The following MEGF11 variants were observed in gnomAD, a reference collection of about 807,000 sequenced individuals.
The protein encoded by MEGF11 is multiple EGF like domains 11.
MEGF11 carries 126 observed loss-of-function variants against 146.6 expected under a neutral mutation model. The observed-to-expected ratio is 0.86, with a 90% CI of 0.74 to 1.00. The LOEUF (loss-of-function observed/expected upper bound fraction) is 1.00, where lower values mean the gene tolerates loss of function less well. Ranked by LOEUF, MEGF11 falls within the 50% of genes least tolerant of loss-of-function variation. The pLI is 0.00. For missense variants in MEGF11, 1,509 were observed against 1,521.2 expected, an observed-to-expected ratio of 0.99 and a Z score of 0.13; for synonymous variants, 532 against 583.4, an observed-to-expected ratio of 0.91 and a Z score of 1.27.
At chr15:66,117,682 C>T (rs979604863) in intron 4 of MEGF11, among the ~76,000 whole-genome samples, 11 of 152,108 alleles carry the variant, frequency 7.2e-5, no homozygotes, top group African/African-American at 1.4e-4. Context: ...GGTCTCATTT[C>T]GCACTACTCC....
At chr15:66,081,728 C>T (rs946078209) in intron 5 of MEGF11, among the ~76,000 whole-genome samples, 1 of 152,192 alleles carries the variant, frequency 6.6e-6, no homozygotes, top group Non-Finnish European at 1.5e-5. Flanking sequence ...AGGAAAGGAC[C>T]AGGGTCCCCC....
chr15:65,906,131 T>C lies in MEGF11; in HGVS notation c.3009A>G (p.Gly1003=), dbSNP rs762928812. The change falls in exon 24 of 26, where the codon GGA becomes GGG. Residue 1003 remains glycine (G), a synonymous_variant. Transcript: ENST00000395614. The stretch of plus-strand genomic sequence containing the variant: ...TGTATGTGTTCTGACGTCTATCCAT[T>C]CCACAAGCACCTGTGTAAAAATAAC... ...PAEPHSPGAC[G]MDRRQNTYIM... 2 of 1,610,136 alleles carry C rather than the reference T, an allele frequency of 1.2e-6. No individual in the cohort carries two copies. Among genetic ancestry groups the C allele is most frequent in the Non-Finnish European group, 1.7e-6 (2 of 1,178,052 alleles).
intron 1 of MEGF11, among the ~76,000 whole-genome samples, chr15:66,133,257 C>T (rs546756688): frequency 6.6e-6 from 1 of 152,318 alleles, no homozygotes; most frequent in South Asian, 2.1e-4. Context: ...TGTCTGCTCC[C>T]CACACCAGCA....
intron 1 of MEGF11, among the ~76,000 whole-genome samples, chr15:66,199,425 A>G (rs571356931): frequency 5.7e-4 from 87 of 152,030 alleles, no homozygotes; most frequent in Non-Finnish European, 9.7e-4. Context: ...TTTGCTGTCA[A>G]TCTCTGGCTT....
intron 1 of MEGF11, among the ~76,000 whole-genome samples, chr15:66,183,532 T>A (rs1385886555): frequency 8.8e-6 from 1 of 113,290 alleles, no homozygotes; most frequent in African/African-American, 3.4e-5. Context: ...CACACCCCCC[T>A]GCCAAAAAGA....
intron 10 of MEGF11, among the ~76,000 whole-genome samples, chr15:65,947,821 C>A (rs1190505957): frequency 6.6e-6 from 1 of 152,188 alleles, no homozygotes; most frequent in Non-Finnish European, 1.5e-5. Flanking sequence ...TCTTTTGCTG[C>A]ACAGAGATTG....
At position 65,906,875 on chromosome 15, in the gene MEGF11, G is replaced by A. The variant is rs952829208; in HGVS notation, c.2999-734C>T. ...CCCCAAGGATTTCTTTCTACCTTTC[G>A]GCTGTCAGTTTTTTCCTAGGCTCCA... On this transcript the variant is annotated intron_variant, in intron 23 of 25. Transcript: ENST00000395614. Among the ~76,000 whole-genome samples the A allele has an allele frequency of 2.0e-5, 3 of 152,088 alleles. No individual in the cohort carries two copies. The East Asian group carries it at 5.8e-4, about 29-fold the overall frequency.
At chr15:66,221,345 C>T (rs1440454438) in intron 1 of MEGF11, among the ~76,000 whole-genome samples, 2 of 152,150 alleles carry the variant, frequency 1.3e-5, no homozygotes, top group African/African-American at 2.4e-5. Context: ...CCGGCCCCAG[C>T]TCAGTCCTGC....
chr15:65,922,452 C>G lies in MEGF11; in HGVS notation c.1843G>C (p.Gly615Arg). The G allele has an allele frequency of 3.8e-6, 6 of 1,579,040 alleles. No homozygotes were observed. The highest frequency in any genetic ancestry group is 4.3e-6 in the Non-Finnish European group (5 of 1,162,838). Residue 615 changes from glycine (G) to arginine (R), a missense_variant, in exon 15 of 26, where the codon GGC (glycine) becomes CGC (arginine). Coordinates refer to ENST00000395614, the MANE Select transcript of MEGF11 (RefSeq NM_001385028.1). ...GGGCATGGCTGGGCGCAGCCGTGGC[C>G]ATAGAACCCAGGGGGGCAGACTGAG... ...CQRICPPGFY[G>R]HGCAQPCPLC...
intron 5 of MEGF11, among the ~76,000 whole-genome samples, chr15:66,073,806 C>T (rs1414247226): frequency 6.6e-6 from 1 of 152,218 alleles, no homozygotes; most frequent in East Asian, 1.9e-4. Context: ...CTGGTATTGT[C>T]AGACCCATAG....
chr15:66,154,214 A>G (rs2089669716), intron 1 of MEGF11, among the ~76,000 whole-genome samples: 1 of 152,226 alleles, frequency 6.6e-6, no homozygotes, highest in Non-Finnish European at 1.5e-5. Context: ...CGAAACAACA[A>G]CATCATAACT....
At chr15:66,000,622 T>G (rs1002008452) in intron 5 of MEGF11, among the ~76,000 whole-genome samples, 3 of 152,202 alleles carry the variant, frequency 2.0e-5, no homozygotes, top group Non-Finnish European at 4.4e-5. Context: ...ACATGCTGTC[T>G]GATGTGTATC....
At chr15:65,958,798 T>G (rs971110190) in intron 9 of MEGF11, among the ~76,000 whole-genome samples, 1 of 152,196 alleles carries the variant, frequency 6.6e-6, no homozygotes, top group African/African-American at 2.4e-5. Context: ...CTAGTAAACC[T>G]CTTGCTCTTG....
At chr15:66,008,887 G>A (rs931714690) in intron 5 of MEGF11, among the ~76,000 whole-genome samples, 2 of 151,668 alleles carry the variant, frequency 1.3e-5, no homozygotes, top group Non-Finnish European at 2.9e-5. Context: ...CCAGGCCAGG[G>A]CTCCTTCTTC....
intron 7 of MEGF11, among the ~76,000 whole-genome samples, chr15:65,977,265 C>T (rs1007944586): frequency 4.0e-5 from 6 of 151,632 alleles, no homozygotes; most frequent in African/African-American, 1.2e-4. Flanking sequence ...GGAGGGGAGG[C>T]AACTCAGCCT....
At chr15:65,931,123 G>A (rs2079561354) in intron 10 of MEGF11, among the ~76,000 whole-genome samples, 180 bp from the exon 11 acceptor site, 1 of 152,152 alleles carries the variant, frequency 6.6e-6, no homozygotes, top group Non-Finnish European at 1.5e-5. Flanking sequence ...ACCTGGAGAT[G>A]GAGAGAATGT....
intron 5 of MEGF11, among the ~76,000 whole-genome samples, chr15:66,051,862 G>A (rs565590699): frequency 7.2e-5 from 11 of 152,304 alleles, no homozygotes; most frequent in South Asian, 2.1e-4. Context: ...GTGCAGTTTC[G>A]TGGAACTTCC....
At chr15:66,236,469 C>G (rs1171809556) in intron 1 of MEGF11, among the ~76,000 whole-genome samples, 1 of 152,160 alleles carries the variant, frequency 6.6e-6, no homozygotes, top group Admixed American at 6.5e-5. Context: ...AAGTCCCAAG[C>G]CAAGGCAAAG....
intron 1 of MEGF11, among the ~76,000 whole-genome samples, chr15:66,131,666 A>G (rs2088651550): frequency 6.6e-6 from 1 of 152,226 alleles, no homozygotes; most frequent in Non-Finnish European, 1.5e-5. Context: ...CCCATGAGAC[A>G]TTGATAGAAA....
Sources: gnomAD v4.1 joint callset for allele counts (sites outside exome capture counted in the v4.1 genomes callset) on GRCh38, gnomAD v4.1.1 for gene constraint, MANE v1.5 for transcripts, NCBI Gene and HGNC (gene_info 2026-07-23, HGNC 2026-07-21) for gene names.